The following PDE8B variants were observed in gnomAD, a reference collection of about 807,000 sequenced individuals.
The protein encoded by PDE8B is high affinity cAMP-specific and IBMX-insensitive 3',5'-cyclic phosphodiesterase 8B.
PDE8B carries 26 observed loss-of-function variants against 101.3 expected under a neutral mutation model. The ratio of observed to expected loss-of-function variants is 0.26; its 90% CI spans 0.19 to 0.36. The LOEUF (loss-of-function observed/expected upper bound fraction) is 0.36. Among genes scored for constraint, PDE8B ranks in the 10% least tolerant of loss-of-function variants. The probability of loss-of-function intolerance (pLI) is 1.00; values close to 1 mark genes in which losing one functional copy is unlikely to be tolerated. For synonymous variants in PDE8B, 424 were observed against 429.3 expected, an observed-to-expected ratio of 0.99 and a Z score of 0.15; for missense variants, 810 against 1,163.1, an observed-to-expected ratio of 0.70 and a Z score of 4.42.
At chr5:77,204,342 C>T in the PDE8B span, among the ~76,000 whole-genome samples, 2 of 147,566 alleles carry the variant, frequency 1.4e-5, no homozygotes, top group African/African-American at 5.1e-5. Flanking sequence ...ACCTGGGAGG[C>T]GGAGGTTGCA....
chr5:77,348,657 C>A (rs908037500), intron 7 of PDE8B, among the ~76,000 whole-genome samples: 3 of 152,124 alleles, frequency 2.0e-5, no homozygotes, highest in Non-Finnish European at 4.4e-5. Context: ...TACAAGCCGC[C>A]ACTGTTGAAT....
the PDE8B span, among the ~76,000 whole-genome samples, chr5:77,194,699 G>A: frequency 5.9e-4 from 90 of 152,224 alleles, 1 homozygote; most frequent in South Asian, 0.018. Context: ...CATAATAGTG[G>A]CCTTTGTGTC....
the PDE8B span, among the ~76,000 whole-genome samples, chr5:77,128,917 C>T: frequency 2.0e-5 from 3 of 152,144 alleles, no homozygotes; most frequent in Admixed American, 1.3e-4. Context: ...TCTCAGTGGA[C>T]TAAACAAGAA....
At chr5:77,181,363 CTT>C in the PDE8B span, among the ~76,000 whole-genome samples, 1 of 152,164 alleles carries the variant, frequency 6.6e-6, no homozygotes, top group Non-Finnish European at 1.5e-5. Context: ...CCACTCTGAA[CTT>C]GGGGGCGTTC....
chr5:77,178,849 G>A, the PDE8B span, among the ~76,000 whole-genome samples: 8,832 of 152,242 alleles, frequency 0.058, 861 homozygotes, highest in African/African-American at 0.2. Flanking sequence ...TTGTTGGACC[G>A]AGGGCCCTTG....
intron 1 of PDE8B, among the ~76,000 whole-genome samples, chr5:77,216,192 C>T (rs1580361070): frequency 6.6e-6 from 1 of 152,146 alleles, no homozygotes; most frequent in East Asian, 1.9e-4. Context: ...ACAAATGATG[C>T]TGAAGCACCC....
the PDE8B span, among the ~76,000 whole-genome samples, chr5:77,196,829 T>C: frequency 6.6e-6 from 1 of 152,178 alleles, no homozygotes; most frequent in Non-Finnish European, 1.5e-5. Flanking sequence ...TGGAGTTTTC[T>C]TTGTGAGCAG....
the PDE8B span, chr5:77,147,711 T>G: frequency 6.6e-6 from 1 of 152,194 alleles, no homozygotes; most frequent in African/African-American, 2.4e-5. Flanking sequence ...GAGGGCCATA[T>G]AGCATAGGAG....
chr5:77,145,971 C>G, the PDE8B span: 1 of 152,180 alleles, frequency 6.6e-6, no homozygotes. Flanking sequence ...GTTTGCTAGG[C>G]TGGGTTTTAA....
chr5:77,113,727 A>T, the PDE8B span: 3 of 152,368 alleles, frequency 2.0e-5, no homozygotes, highest in Admixed American at 1.3e-4. Context: ...TGAACAAGCA[A>T]CCTACAGAAT....
chr5:77,398,959 G>A (rs1258147073), intron 10 of PDE8B, among the ~76,000 whole-genome samples: 1 of 152,220 alleles, frequency 6.6e-6, no homozygotes, highest in Admixed American at 6.5e-5. Flanking sequence ...AGAGGCCAAA[G>A]AAAGAGGCTG....
intron 4 of PDE8B, 34 bp downstream of exon 4, chr5:77,329,091 T>C: frequency 6.6e-7 from 1 of 1,521,884 alleles, no homozygotes; most frequent in Non-Finnish European, 9.1e-7. Context: ...ATGGAAGGAG[T>C]ACTGTTCATT....
the PDE8B span, among the ~76,000 whole-genome samples, chr5:77,121,995 G>T: frequency 6.6e-6 from 1 of 152,194 alleles, no homozygotes; most frequent in Non-Finnish European, 1.5e-5. Flanking sequence ...ATACAGGAAG[G>T]TGAATAGAAC....
rs118112268 is a variant in PDE8B, at chr5:77,311,841, T to C, written c.340-153T>C. 6.2e-4 allele frequency among the ~76,000 whole-genome samples: 94 copies of C among 152,242 alleles called. 1 individual carries two copies. The East Asian group carries it at 0.018, about 28-fold the overall frequency. ...CAAAAACAGGACTGTGCTATACATA[T>C]ACATCATGCTTGGTAACCCATCTCC... On this transcript the variant is annotated intron_variant, in intron 1 of 21. Coordinates refer to ENST00000264917, the MANE Select transcript of PDE8B (RefSeq NM_003719.5).
intron 6 of PDE8B, among the ~76,000 whole-genome samples, chr5:77,340,401 G>T (rs553979048): frequency 6.6e-6 from 1 of 152,274 alleles, no homozygotes; most frequent in Non-Finnish European, 1.5e-5. Context: ...AGCTGTGAAG[G>T]CTTAAAATAA....
chr5:77,116,505 G>T, the PDE8B span, among the ~76,000 whole-genome samples: 5 of 152,090 alleles, frequency 3.3e-5, no homozygotes, highest in Admixed American at 1.3e-4. Flanking sequence ...ACCTCCCAAA[G>T]TGCTGGGATT....
At chr5:77,122,208 G>A in the PDE8B span, among the ~76,000 whole-genome samples, 1 of 152,128 alleles carries the variant, frequency 6.6e-6, no homozygotes, top group African/African-American at 2.4e-5. Flanking sequence ...TGATCACTGC[G>A]ATTGCCCATC....
chr5:77,132,193 C>G, the PDE8B span, among the ~76,000 whole-genome samples: 1 of 152,056 alleles, frequency 6.6e-6, no homozygotes, highest in South Asian at 2.1e-4. Flanking sequence ...CACAACAGTC[C>G]AATATTGATA....
chr5:77,319,680 C>T (rs1032974642), intron 2 of PDE8B, among the ~76,000 whole-genome samples: 1 of 152,036 alleles, frequency 6.6e-6, no homozygotes, highest in Non-Finnish European at 1.5e-5. Flanking sequence ...ATGAGGACAG[C>T]GGTGTGGCAA....
Sources: gnomAD v4.1 joint callset for allele counts (sites outside exome capture counted in the v4.1 genomes callset) on GRCh38, gnomAD v4.1.1 for gene constraint, MANE v1.5 for transcripts, NCBI Gene and HGNC (gene_info 2026-07-23, HGNC 2026-07-21) for gene names.